Variants in IL36B observed in about 807,000 individuals in gnomAD.
IL36B encodes the protein interleukin-36 beta.
In IL36B, 23 loss-of-function variants were observed where a neutral mutation model predicts 19.3. The ratio of observed to expected loss-of-function variants is 1.19; its 90% CI spans 0.86 to 1.69. The LOEUF (loss-of-function observed/expected upper bound fraction) is 1.69, where lower values mean the gene tolerates loss of function less well. IL36B is among the 40% of genes most tolerant of loss of function. The pLI is 0.00. For missense variants in IL36B, 217 were observed against 200.5 expected, an observed-to-expected ratio of 1.08 and a Z score of -0.50; for synonymous variants, 59 against 59.7, an observed-to-expected ratio of 0.99 and a Z score of 0.05.
intron 1 of IL36B, among the ~76,000 whole-genome samples, chr2:113,042,367 A>G (rs966197257): frequency 2.0e-5 from 3 of 152,222 alleles, no homozygotes; most frequent in African/African-American, 7.2e-5. Context: ...CGCAAAATAT[A>G]CAATTTGATA....
intron 4 of IL36B, chr2:113,027,727 G>A: frequency 7.0e-7 from 1 of 1,432,800 alleles, no homozygotes; most frequent in Non-Finnish European, 9.1e-7. Context: ...TTCGAGTGAG[G>A]GTCTTGGTAC....
intron 3 of IL36B, 66 bp from the exon 4 acceptor site, chr2:113,029,144 C>T: frequency 6.6e-7 from 1 of 1,515,306 alleles, no homozygotes; most frequent in African/African-American, 1.4e-5. Context: ...AGTTACTCCC[C>T]CCAGGTAGGG....
chr2:113,034,000 G>A (rs1386726713), intron 1 of IL36B, among the ~76,000 whole-genome samples: 3 of 152,114 alleles, frequency 2.0e-5, no homozygotes, highest in Non-Finnish European at 2.9e-5. Flanking sequence ...CCTTGCTTCT[G>A]TTCTTACCTC....
At chr2:113,050,253 C>T (rs578078635) in intron 1 of IL36B, among the ~76,000 whole-genome samples, 4 of 152,200 alleles carry the variant, frequency 2.6e-5, no homozygotes, top group South Asian at 2.1e-4. Flanking sequence ...GGTACACACA[C>T]CACACAGCCT....
chr2:113,038,061 G>A (rs1248404268), intron 1 of IL36B, among the ~76,000 whole-genome samples: 1 of 152,152 alleles, frequency 6.6e-6, no homozygotes, highest in East Asian at 1.9e-4. Context: ...CTCCTCCTTA[G>A]GTTAAATTAT....
In IL36B at chr2:113,028,954, A is replaced by T; in HGVS notation, c.246T>A (p.Pro82=). The change falls in exon 4 of 6, where the codon CCT becomes CCA. Residue 82 remains proline, a synonymous_variant. Transcript: ENST00000259213. ...AATCACTCACCTTAAGCTGCAAAGT[A>T]GGCTTGCCCTGAATTTCTGCACAGA... 1 of 1,614,078 alleles carries T rather than the reference A, an allele frequency of 6.2e-7. No individual in the cohort carries two copies. The highest frequency in any genetic ancestry group is 1.1e-5 in the South Asian group (1 of 91,034).
intron 1 of IL36B, among the ~76,000 whole-genome samples, chr2:113,039,209 C>A (rs766094170): frequency 6.6e-6 from 1 of 152,086 alleles, no homozygotes; most frequent in Non-Finnish European, 1.5e-5. Flanking sequence ...ATGAGACAGG[C>A]ACAGAGCACT....
intron 5 of IL36B, among the ~76,000 whole-genome samples, chr2:113,025,613 CAAAA>C (rs1684943725): frequency 6.6e-6 from 1 of 152,028 alleles, no homozygotes; most frequent in East Asian, 1.9e-4. Context: ...CATGAGAAGG[CAAAA>C]ATGCTATGGA....
chr2:113,044,436 G>C lies in IL36B; in HGVS notation c.-58+8381C>G, dbSNP rs1249637420. On this transcript the variant is annotated intron_variant, in intron 1 of 5. Transcript: ENST00000259213. The stretch of plus-strand genomic sequence containing the variant: ...GCTTCTGGAGTAGCTGGGACTACAG[G>C]CATGTGCCACCATGTTCAGCTATTT... Among the ~76,000 whole-genome samples, 5 of 152,040 alleles carry C rather than the reference G, an allele frequency of 3.3e-5. No individual in the cohort carries two copies. In the East Asian group the frequency reaches 9.6e-4, roughly 29 times the overall value.
intron 1 of IL36B, among the ~76,000 whole-genome samples, chr2:113,033,378 C>G (rs1573369892): frequency 6.6e-6 from 1 of 152,242 alleles, no homozygotes; most frequent in East Asian, 1.9e-4. Flanking sequence ...ACTACAGGCA[C>G]CCACTGCCAC....
intron 1 of IL36B, among the ~76,000 whole-genome samples, chr2:113,048,073 G>T (rs371798246): frequency 6.6e-6 from 1 of 152,122 alleles, no homozygotes; most frequent in Non-Finnish European, 1.5e-5. Context: ...CGTCAGATTG[G>T]ATAAAAATGC....
intron 2 of IL36B, among the ~76,000 whole-genome samples, 155 bp from the exon 3 acceptor site, chr2:113,031,310 G>A (rs930823281): frequency 2.6e-5 from 4 of 152,166 alleles, no homozygotes; most frequent in Admixed American, 2.6e-4. Flanking sequence ...AAATAGGGCA[G>A]GGACTAGTTT....
At chr2:113,030,300 G>A (rs1057131018) in intron 3 of IL36B, among the ~76,000 whole-genome samples, 3 of 152,122 alleles carry the variant, frequency 2.0e-5, no homozygotes, top group African/African-American at 7.2e-5. Context: ...TGAGCTAAGG[G>A]CCAAATAGCA....
chr2:113,031,058 G>T lies in IL36B; in HGVS notation c.111C>A (p.Ser37Arg). 2 of 1,609,544 alleles carry T rather than the reference G, an allele frequency of 1.2e-6. No homozygotes were observed. Among genetic ancestry groups the T allele is most frequent in the Non-Finnish European group, 1.7e-6 (2 of 1,175,828 alleles). The change falls in exon 3 of 6, where the codon AGC (serine) becomes AGA (arginine). Residue 37 changes from serine (S) to arginine (R), a missense_variant. Physicochemically the swap from Ser to Arg is moderately radical, Grantham distance 110 (BLOSUM62 -1). Coordinates refer to ENST00000259213, the MANE Select transcript of IL36B (RefSeq NM_014438.5). ...TTGATTGTCACTCACCAGGCTTAAT[G>T]CTGCGGCTAAGAGGAGCTGCTATTA...
chr2:113,023,535 A>G (rs927635366), intron 5 of IL36B, among the ~76,000 whole-genome samples: 3 of 152,134 alleles, frequency 2.0e-5, no homozygotes, highest in African/African-American at 7.2e-5. Context: ...ATGGTTTTTG[A>G]TCTTTTGATG....
intron 1 of IL36B, among the ~76,000 whole-genome samples, chr2:113,042,746 G>T (rs1212649688): frequency 6.6e-6 from 1 of 152,188 alleles, no homozygotes; most frequent in Admixed American, 6.5e-5. Flanking sequence ...GAGCTACTAT[G>T]AACATTGATG....
chr2:113,043,098 T>C (rs952758003), intron 1 of IL36B, among the ~76,000 whole-genome samples: 1 of 152,166 alleles, frequency 6.6e-6, no homozygotes, highest in African/African-American at 2.4e-5. Flanking sequence ...CAAATATCTG[T>C]TCTAAGTTTT....
In IL36B at chr2:113,037,863, C is replaced by T. The variant is rs1469257187; in HGVS notation, c.-57-6097G>A. ...TAAATTCTCATCAAATTATATACTACATTTTACGTGTTGATTTGAAATTAG... is the reference window on the plus strand; with the variant it reads ...TAAATTCTCATCAAATTATATACTATATTTTACGTGTTGATTTGAAATTAG... On this transcript the variant is annotated intron_variant, in intron 1 of 5. Transcript: ENST00000259213. Among the ~76,000 whole-genome samples the T allele has an allele frequency of 2.6e-5, 4 of 152,132 alleles. No individual in the cohort carries two copies. The East Asian group carries it at 7.7e-4, about 29-fold the overall frequency.
chr2:113,046,533 T>C (rs1685355229), intron 1 of IL36B, among the ~76,000 whole-genome samples: 1 of 152,170 alleles, frequency 6.6e-6, no homozygotes, highest in Admixed American at 6.5e-5. Context: ...TAATATCCTT[T>C]TTTTGTTCCA....
Sources: gnomAD v4.1 joint callset for allele counts (sites outside exome capture counted in the v4.1 genomes callset) on GRCh38, gnomAD v4.1.1 for gene constraint, MANE v1.5 for transcripts, NCBI Gene and HGNC (gene_info 2026-07-23, HGNC 2026-07-21) for gene names.